The following DPEP1 variants were observed in gnomAD, a reference collection of about 807,000 sequenced individuals.
DPEP1 encodes dipeptidase 1.
A neutral mutation model predicts 42.3 loss-of-function variants in DPEP1; 50 were observed. The ratio of observed to expected loss-of-function variants is 1.18; its 90% CI spans 0.94 to 1.50. The LOEUF (loss-of-function observed/expected upper bound fraction) is 1.50. DPEP1 is among the 40% of genes most tolerant of loss of function. The pLI is 0.00. For synonymous variants in DPEP1, 297 were observed against 234.0 expected, an observed-to-expected ratio of 1.27 and a Z score of -2.46; for missense variants, 663 against 553.0, an observed-to-expected ratio of 1.20 and a Z score of -1.99.
intron 1 of DPEP1, 34 bp from the exon 2 acceptor site, chr16:89,630,271 C>T: frequency 1.7e-6 from 1 of 599,492 alleles, no homozygotes; most frequent in East Asian, 3.2e-5. Context: ...CCTGTCATCA[C>T]TTCCACCCAC....
intron 2 of DPEP1, among the ~76,000 whole-genome samples, chr16:89,634,589 T>TCCTTTCCCTTCCTTC (rs2059637745): frequency 1.8e-5 from 1 of 55,714 alleles, no homozygotes. Context: ...CCCTTCCTTC[T>TCCTTTCCCTTCCTTC]CCTTTCCCTT....
intron 2 of DPEP1, among the ~76,000 whole-genome samples, chr16:89,633,342 C>T (rs1380351154): frequency 2.0e-5 from 3 of 152,242 alleles, no homozygotes; most frequent in Non-Finnish European, 4.4e-5. Context: ...CTCACACCAG[C>T]ATCAGGCGTG....
downstream of DPEP1, among the ~76,000 whole-genome samples, chr16:89,641,414 C>T (rs1270189060): frequency 1.3e-5 from 2 of 152,220 alleles, no homozygotes; most frequent in Non-Finnish European, 2.9e-5. Flanking sequence ...GGCTCACGCT[C>T]ATCTTGTGGT....
At chr16:89,620,783 CTCGGGGA>C (rs752329692) in intron 1 of DPEP1, 1 of 152,212 alleles carries the variant, frequency 6.6e-6, no homozygotes, top group African/African-American at 2.4e-5. Context: ...CATGGTGAGT[CTCGGGGA>C]GCGGGGAGCC....
chr16:89,618,418 A>G (rs1323499323), intron 1 of DPEP1, among the ~76,000 whole-genome samples: 1 of 152,062 alleles, frequency 6.6e-6, no homozygotes, highest in African/African-American at 2.4e-5. Context: ...GGGTCTCCCT[A>G]TGTTTCCCAG....
chr16:89,638,131 G>T lies in DPEP1; in HGVS notation c.1145G>T (p.Gly382Val). The T allele has an allele frequency of 1.2e-6, 2 of 1,612,126 alleles. No individual in the cohort carries two copies. Among genetic ancestry groups the T allele is most frequent in the Non-Finnish European group, 1.7e-6 (2 of 1,179,686 alleles). ...GGTGGCTCCTGCAGGACCCATTACG[G>T]CTACTCCTCTGGGGCTTCCAGCCTC... Reference protein sequence around the residue: ...QLGGSCRTHYGYSSGASSLHR... With the variant: ...QLGGSCRTHYVYSSGASSLHR... The change falls in exon 11 of 11, where the codon GGC becomes GTC. Residue 382 changes from glycine (G) to valine (V), a missense_variant. Gly to Val is a moderately radical substitution (Grantham distance 109). Coordinates refer to ENST00000690203, the MANE Select transcript of DPEP1 (RefSeq NM_001389466.1).
In DPEP1 at chr16:89,627,741, A is replaced by G. The variant is rs145983790; in HGVS notation, c.-106-2564A>G. Among the ~76,000 whole-genome samples, 3,123 of 125,980 alleles carry G rather than the reference A, an allele frequency of 0.025. 572 individuals are homozygous for G. The East Asian group carries it at 0.51, about 20-fold the overall frequency. The allele number at this position is 125,980 out of a possible 152,430, so 82.6% of individuals were successfully genotyped here. A position where few individuals can be genotyped will look rare whatever the true frequency, so the allele number is the denominator to read the frequency against. On this transcript the variant is annotated intron_variant, in intron 1 of 10. Coordinates refer to ENST00000690203, the MANE Select transcript of DPEP1 (RefSeq NM_001389466.1). ...AGTGTTGCAATCTCGGCTCACTGCA[A>G]CCTCCGCCTCCCTGGTTCAAGTGAT...
chr16:89,636,716 G>A (rs548689689), intron 5 of DPEP1, 33 bp downstream of exon 5: 4 of 1,609,126 alleles, frequency 2.5e-6, no homozygotes, highest in Admixed American at 3.3e-5. Context: ...CCCCCGGGCT[G>A]TGGTCAGGAG....
intron 1 of DPEP1, among the ~76,000 whole-genome samples, chr16:89,617,397 G>T (rs1396104327): frequency 6.6e-6 from 1 of 152,188 alleles, no homozygotes; most frequent in Non-Finnish European, 1.5e-5. Context: ...CTGCATGGAA[G>T]AATTGCTCAG....
chr16:89,638,531 G>C (rs935985925), downstream of DPEP1: 7 of 1,178,412 alleles, frequency 5.9e-6, no homozygotes, highest in African/African-American at 6.3e-5. Context: ...ATCCTGGATC[G>C]AGTCTTCGGT....
At position 89,635,795 on chromosome 16, in the gene DPEP1, C is replaced by T. The variant is rs74736114; in HGVS notation, c.105-113C>T. ...CCCCGCGGCCTAGACTTCAGTCCTG[C>T]GTCTGTCGTGAGGAGTAGGAAGTGG... On this transcript the variant is annotated intron_variant, in intron 2 of 10. Transcript: ENST00000690203. 25,423 of 1,387,560 alleles carry T rather than the reference C, an allele frequency of 0.018. 4,942 individuals carry two copies. The East Asian group carries it at 0.48, about 26-fold the overall frequency. The allele number at this position is 1,387,560 out of a possible 1,614,324, so 86.0% of individuals were successfully genotyped here. A position where few individuals can be genotyped will look rare whatever the true frequency, so the allele number is the denominator to read the frequency against.
At chr16:89,625,948 A>G (rs1397158951) in intron 1 of DPEP1, among the ~76,000 whole-genome samples, 1 of 152,184 alleles carries the variant, frequency 6.6e-6, no homozygotes, top group Non-Finnish European at 1.5e-5. Flanking sequence ...CCCAACCCCC[A>G]GGACGCCCTC....
chr16:89,625,367 T>C (rs958750762), intron 1 of DPEP1, among the ~76,000 whole-genome samples: 1 of 152,168 alleles, frequency 6.6e-6, no homozygotes, highest in African/African-American at 2.4e-5. Flanking sequence ...TAACCGTCAG[T>C]TCTCTTCCCA....
rs566887894 is a variant in DPEP1, at chr16:89,632,164, C to A, written c.104+1650C>A. Among the ~76,000 whole-genome samples, 34 of 152,294 alleles carry A rather than the reference C, an allele frequency of 2.2e-4. 1 individual carries two copies. The highest frequency in any genetic ancestry group is 1.0e-3 in the Admixed American group (16 of 15,292). On this transcript the variant is annotated intron_variant, in intron 2 of 10. Transcript: ENST00000690203. ...TCCTGGATTTAAGCAATTCTCCTGC[C>A]TCAGCCTCCTGAGTAGCTGGGATTA...
At chr16:89,627,653 T>TC (rs1363407459) in intron 1 of DPEP1, among the ~76,000 whole-genome samples, 1 of 13,658 alleles carries the variant, frequency 7.3e-5, no homozygotes, top group African/African-American at 4.4e-4. Flanking sequence ...TATTTCTTCT[T>TC]TTTTTTTTTT....
downstream of DPEP1, among the ~76,000 whole-genome samples, chr16:89,641,329 C>T (rs1246212222): frequency 2.6e-5 from 4 of 152,238 alleles, no homozygotes; most frequent in South Asian, 2.1e-4. Context: ...TGCTAAGTAA[C>T]GGGTGCCTTC....
At position 89,637,957 on chromosome 16, in the gene DPEP1, G is replaced by C. The variant is rs1126464; in HGVS notation, c.1051G>C (p.Glu351Gln). 386,155 of 1,607,234 alleles carry C rather than the reference G, an allele frequency of 0.24. 48,817 individuals carry two copies. Among genetic ancestry groups the C allele is most frequent in the Admixed American group, 0.38 (22,184 of 58,734 alleles). ...GGCTGACAACCTGCTGAGGGTCTTC[G>C]AGGCTGTGGAACAGGTGAGGATGGG... is the stretch of plus-strand genomic sequence containing the variant. ...ALADNLLRVF[E>Q]AVEQASNLTQ... Residue 351 changes from glutamate (E) to glutamine (Q), a missense_variant, in exon 10 of 11, where the codon GAG (glutamate) becomes CAG (glutamine). By Grantham distance (29) the Glu-to-Gln change is conservative. Transcript: ENST00000690203.
At position 89,638,070 on chromosome 16, in the gene DPEP1, G is replaced by T. The variant is rs753256334; in HGVS notation, c.1084G>T (p.Ala362Ser). ...AVEQASNLTQAPEEEPIPLDQ... is the reference protein window; with the variant it reads ...AVEQASNLTQSPEEEPIPLDQ... ...TCCCCAGGCCAGCAACCTCACACAG[G>T]CTCCCGAGGAGGAGCCCATCCCGCT... Residue 362 changes from alanine to serine, a missense_variant, in exon 11 of 11, where the codon GCT (alanine) becomes TCT (serine). Ala to Ser is a moderately conservative substitution (Grantham distance 99, BLOSUM62 1). Coordinates refer to ENST00000690203, the MANE Select transcript of DPEP1 (RefSeq NM_001389466.1). 6.2e-7 allele frequency: 1 copy of T among 1,612,152 alleles called. No homozygotes were observed. The highest frequency in any genetic ancestry group is 1.1e-5 in the South Asian group (1 of 91,060).
chr16:89,634,278 G>A (rs2059630867), intron 2 of DPEP1, among the ~76,000 whole-genome samples: 1 of 151,646 alleles, frequency 6.6e-6, no homozygotes, highest in Admixed American at 6.6e-5. Flanking sequence ...TAGTAGAGAC[G>A]GGGTTTCACC....
Sources: gnomAD v4.1 joint callset for allele counts (sites outside exome capture counted in the v4.1 genomes callset) on GRCh38, gnomAD v4.1.1 for gene constraint, MANE v1.5 for transcripts, NCBI Gene and HGNC (gene_info 2026-07-23, HGNC 2026-07-21) for gene names.